The following SH3RF3 variants were observed in gnomAD, a reference collection of about 807,000 sequenced individuals.
SH3RF3 encodes SH3 domain containing ring finger 3, also known as E3 ubiquitin-protein ligase SH3RF3.
Under a neutral mutation model 66.3 loss-of-function variants are expected in SH3RF3, and 29 were observed. That is an observed-to-expected ratio of 0.44 (90% CI 0.33 to 0.60). The LOEUF is 0.60. SH3RF3 is among the 20% of genes least tolerant of loss of function. SH3RF3 has a pLI of 0.04. For missense variants in SH3RF3, 1,194 were observed against 1,190.9 expected, an observed-to-expected ratio of 1.00 and a Z score of -0.04; for synonymous variants, 583 against 532.0, an observed-to-expected ratio of 1.10 and a Z score of -1.32.
intron 1 of SH3RF3, among the ~76,000 whole-genome samples, chr2:109,219,960 A>G (rs1370929263): frequency 6.6e-6 from 1 of 152,258 alleles, no homozygotes; most frequent in Non-Finnish European, 1.5e-5. Context: ...AGGGACCCCA[A>G]ATAACCAAAA....
At chr2:109,347,179 C>G (rs775540664) in intron 1 of SH3RF3, among the ~76,000 whole-genome samples, 5 of 152,206 alleles carry the variant, frequency 3.3e-5, no homozygotes, top group African/African-American at 4.8e-5. Flanking sequence ...TGCTAGAAGT[C>G]TGGCAGCTTC....
At chr2:109,194,632 C>G (rs938488029) in intron 1 of SH3RF3, among the ~76,000 whole-genome samples, 1 of 152,222 alleles carries the variant, frequency 6.6e-6, no homozygotes, top group Admixed American at 6.5e-5. Flanking sequence ...TTTGTATCTT[C>G]TGCATATACA....
intron 1 of SH3RF3, among the ~76,000 whole-genome samples, chr2:109,327,810 T>C (rs571916059): frequency 6.6e-6 from 1 of 152,252 alleles, no homozygotes; most frequent in Non-Finnish European, 1.5e-5. Flanking sequence ...CTTTTACATA[T>C]ACATACCACT....
intron 7 of SH3RF3, among the ~76,000 whole-genome samples, chr2:109,440,643 C>G (rs1347361858): frequency 6.6e-6 from 1 of 152,172 alleles, no homozygotes. Flanking sequence ...AGGACTGATT[C>G]ATGAGAGAAG....
chr2:109,251,036 C>A (rs1269277783), intron 1 of SH3RF3, among the ~76,000 whole-genome samples: 1 of 151,894 alleles, frequency 6.6e-6, no homozygotes, highest in Non-Finnish European at 1.5e-5. Context: ...GAGTCTCACT[C>A]TGTCGCCCAG....
intron 1 of SH3RF3, among the ~76,000 whole-genome samples, chr2:109,143,557 A>AC (rs1558923501): frequency 6.6e-6 from 1 of 152,156 alleles, no homozygotes; most frequent in Non-Finnish European, 1.5e-5. Context: ...AGCCTGGGCA[A>AC]CATAGCAAGT....
chr2:109,268,793 T>C (rs1680561167), intron 1 of SH3RF3, among the ~76,000 whole-genome samples: 1 of 151,994 alleles, frequency 6.6e-6, no homozygotes, highest in Non-Finnish European at 1.5e-5. Context: ...TAGGCTAATG[T>C]GCGTGTTCTG....
rs181264360 is a variant in SH3RF3 at position 109,226,557 on chromosome 2, T to G, written c.573+96444T>G. ...TTTAAAGTTTAGATTTTTACTGTTC[T>G]TAGGGTGACTTTGTGGCTCATCACT... On this transcript the variant is annotated intron_variant, in intron 1 of 9. Transcript: ENST00000309415. Among the ~76,000 whole-genome samples the G allele has an allele frequency of 7.4e-3, 1,121 of 152,348 alleles. 9 individuals are homozygous for G. The highest frequency in any genetic ancestry group is 0.024 in the South Asian group (115 of 4,820).
chr2:109,345,735 C>G (rs1305783322), intron 1 of SH3RF3, among the ~76,000 whole-genome samples: 1 of 152,168 alleles, frequency 6.6e-6, no homozygotes, highest in African/African-American at 2.4e-5. Flanking sequence ...AGACTAAGTT[C>G]TATTAGAACA....
At chr2:109,235,234 C>T (rs945094443) in intron 1 of SH3RF3, among the ~76,000 whole-genome samples, 1 of 152,156 alleles carries the variant, frequency 6.6e-6, no homozygotes, top group Non-Finnish European at 1.5e-5. Flanking sequence ...TAAAATAGAT[C>T]AACCCTGAAT....
rs368097587 is a variant in SH3RF3, at chr2:109,468,748, G to A, written c.2148+19259G>A. Among the ~76,000 whole-genome samples, 25 of 151,600 alleles carry A rather than the reference G, an allele frequency of 1.6e-4. No individual in the cohort carries two copies. The East Asian group carries it at 4.3e-3, about 26-fold the overall frequency. On this transcript the variant is annotated intron_variant, in intron 8 of 9. Coordinates refer to ENST00000309415, the MANE Select transcript of SH3RF3 (RefSeq NM_001099289.3). ...GGGCACCTGTAATCCCAGCTACTCA[G>A]GAGGCTGAGGCAGGTTAATCGCTTG...
At chr2:109,228,772 G>A (rs1009525800) in intron 1 of SH3RF3, among the ~76,000 whole-genome samples, 15 of 152,162 alleles carry the variant, frequency 9.9e-5, no homozygotes, top group African/African-American at 3.6e-4. Context: ...CGTCTCTGTG[G>A]AGTTAGATGT....
intron 1 of SH3RF3, among the ~76,000 whole-genome samples, chr2:109,282,608 C>T (rs1188232306): frequency 6.6e-6 from 1 of 152,206 alleles, no homozygotes; most frequent in South Asian, 2.1e-4. Flanking sequence ...AGCCAATGCA[C>T]GCACTCCACC....
intron 1 of SH3RF3, among the ~76,000 whole-genome samples, chr2:109,210,255 A>G (rs550901025): frequency 1.3e-5 from 2 of 152,344 alleles, no homozygotes; most frequent in East Asian, 1.9e-4. Context: ...GAATAATGTC[A>G]CTATGCGTGT....
intron 1 of SH3RF3, among the ~76,000 whole-genome samples, chr2:109,149,397 TA>T (rs1574475126): frequency 1.3e-5 from 2 of 152,376 alleles, no homozygotes; most frequent in East Asian, 3.9e-4. Flanking sequence ...ATAACGTAGC[TA>T]TTAATATTCA....
intron 8 of SH3RF3, among the ~76,000 whole-genome samples, chr2:109,473,360 C>T (rs935189547): frequency 3.4e-4 from 51 of 152,124 alleles, no homozygotes; most frequent in East Asian, 1.9e-4. Context: ...AAGTTGACAT[C>T]GTGTTCAGAA....
At chr2:109,276,567 G>T (rs1245730056) in intron 1 of SH3RF3, among the ~76,000 whole-genome samples, 1 of 152,166 alleles carries the variant, frequency 6.6e-6, no homozygotes, top group East Asian at 1.9e-4. Context: ...GAGAAAACTT[G>T]TGTTTCATTT....
chr2:109,266,613 A>G (rs1299327943), intron 1 of SH3RF3, among the ~76,000 whole-genome samples: 1 of 151,672 alleles, frequency 6.6e-6, no homozygotes, highest in Non-Finnish European at 1.5e-5. Context: ...AGTGCAGAGC[A>G]GGGCTCCCCT....
intron 1 of SH3RF3, among the ~76,000 whole-genome samples, chr2:109,244,959 A>AG (rs1338272697): frequency 2.0e-5 from 3 of 152,210 alleles, no homozygotes; most frequent in African/African-American, 7.2e-5. Context: ...AGACTTGATC[A>AG]GGTGCCAGTA....
Sources: allele counts gnomAD v4.1 joint callset (sites outside exome capture counted in the v4.1 genomes callset), GRCh38; gene constraint gnomAD v4.1.1; transcripts MANE v1.5; gene names NCBI Gene and HGNC (gene_info 2026-07-23, HGNC 2026-07-21).